Variants in GPC6 observed in about 807,000 individuals in gnomAD.
GPC6 encodes the protein glypican 6, also known as glypican-6.
A neutral mutation model predicts 55.2 loss-of-function variants in GPC6; 14 were observed. The ratio of observed to expected loss-of-function variants is 0.25; its 90% CI spans 0.17 to 0.40. The LOEUF (loss-of-function observed/expected upper bound fraction) is 0.40, where lower values mean the gene tolerates loss of function less well. Among genes scored for constraint, GPC6 ranks in the 10% least tolerant of loss-of-function variants. The probability of loss-of-function intolerance (pLI) is 1.00; values close to 1 mark genes in which losing one functional copy is unlikely to be tolerated. For missense variants in GPC6, 641 were observed against 708.5 expected, an observed-to-expected ratio of 0.90 and a Z score of 1.08; for synonymous variants, 278 against 259.6, an observed-to-expected ratio of 1.07 and a Z score of -0.68.
chr13:93,968,867 A>G (rs760447899), intron 3 of GPC6, among the ~76,000 whole-genome samples: 1 of 152,296 alleles, frequency 6.6e-6, no homozygotes, highest in Middle Eastern at 3.4e-3. Context: ...AAGGATCAAT[A>G]TAGAATTATT....
At chr13:94,380,806 A>G (rs1252923681) in intron 6 of GPC6, among the ~76,000 whole-genome samples, 1 of 152,144 alleles carries the variant, frequency 6.6e-6, no homozygotes, top group Non-Finnish European at 1.5e-5. Context: ...TATCCTTCTG[A>G]CCTAGCATTT....
At chr13:93,420,396 T>C (rs889073168) in intron 1 of GPC6, among the ~76,000 whole-genome samples, 3 of 151,886 alleles carry the variant, frequency 2.0e-5, no homozygotes, top group Admixed American at 6.6e-5. Context: ...CCATGCTGAG[T>C]TGGAGAATGG....
intron 4 of GPC6, among the ~76,000 whole-genome samples, chr13:94,252,800 C>A (rs117672880): frequency 9.1e-4 from 139 of 152,064 alleles, no homozygotes; most frequent in Non-Finnish European, 1.8e-3. Flanking sequence ...TGTAAATGGA[C>A]TGTGATGAGA....
chr13:93,304,569 A>G (rs1878792446), intron 1 of GPC6, among the ~76,000 whole-genome samples: 1 of 152,150 alleles, frequency 6.6e-6, no homozygotes, highest in African/African-American at 2.4e-5. Context: ...CATAGTTTTC[A>G]CTATGTTTTG....
intron 2 of GPC6, among the ~76,000 whole-genome samples, chr13:93,594,062 G>T (rs1284500252): frequency 6.6e-6 from 1 of 152,016 alleles, no homozygotes; most frequent in African/African-American, 2.4e-5. Flanking sequence ...CTCTAAAAAG[G>T]GAAAATAACA....
chr13:93,363,297 A>T (rs1265002434), intron 1 of GPC6, among the ~76,000 whole-genome samples: 1 of 75,904 alleles, frequency 1.3e-5, no homozygotes, highest in Non-Finnish European at 2.8e-5. Context: ...CCCCCACCCC[A>T]CAACAGTCCC....
chr13:93,488,545 A>G (rs1345247924), intron 1 of GPC6, among the ~76,000 whole-genome samples: 1 of 152,164 alleles, frequency 6.6e-6, no homozygotes, highest in Non-Finnish European at 1.5e-5. Flanking sequence ...GAGTCGCCAC[A>G]CTGTCTTCCA....
At chr13:93,878,273 G>T (rs1874715695) in intron 3 of GPC6, among the ~76,000 whole-genome samples, 1 of 151,972 alleles carries the variant, frequency 6.6e-6, no homozygotes, top group African/African-American at 2.4e-5. Context: ...TAGGCCATGA[G>T]GGTTCCACCC....
At chr13:94,268,971 G>A (rs1245708019) in intron 4 of GPC6, among the ~76,000 whole-genome samples, 2 of 152,128 alleles carry the variant, frequency 1.3e-5, no homozygotes, top group African/African-American at 2.4e-5. Context: ...GGGGCTCATG[G>A]GCTGGGAGGG....
chr13:93,498,744 C>G (rs2139368977), intron 1 of GPC6, among the ~76,000 whole-genome samples: 1 of 152,276 alleles, frequency 6.6e-6, no homozygotes, highest in South Asian at 2.1e-4. Flanking sequence ...ATGTTGTTAT[C>G]AGCAGCATTA....
Position 93,711,935 on chromosome 13 carries a change from C to G in GPC6, c.320-118219C>G, listed in dbSNP as rs573321642. Among the ~76,000 whole-genome samples, 314 of 151,864 alleles carry G rather than the reference C, an allele frequency of 2.1e-3. 1 individual carries two copies. The highest frequency in any genetic ancestry group is 6.7e-3 in the African/African-American group (279 of 41,502). On this transcript the variant is annotated intron_variant, in intron 2 of 8. Coordinates refer to ENST00000377047, the MANE Select transcript of GPC6 (RefSeq NM_005708.5). The stretch of plus-strand genomic sequence containing the variant: ...GTTCCTTAGAGGATCATGGTGAGAT[C>G]AAGCCCGAGTTGCCCGCTGTGTAGA...
intron 3 of GPC6, among the ~76,000 whole-genome samples, chr13:93,839,496 C>T (rs1360480178): frequency 1.3e-5 from 2 of 151,910 alleles, no homozygotes; most frequent in Admixed American, 6.6e-5. Context: ...GTTTATGTGG[C>T]GTATCACATT....
intron 1 of GPC6, among the ~76,000 whole-genome samples, chr13:93,312,244 A>T (rs1879096858): frequency 6.6e-6 from 1 of 151,810 alleles, no homozygotes; most frequent in Non-Finnish European, 1.5e-5. Context: ...TTCATTTTTG[A>T]GCAGATTTTC....
At chr13:93,543,843 TG>T (rs1476257345) in intron 1 of GPC6, among the ~76,000 whole-genome samples, 2 of 151,918 alleles carry the variant, frequency 1.3e-5, no homozygotes, top group Non-Finnish European at 2.9e-5. Context: ...TGTCCAGGAG[TG>T]GGTTGCTGGA....
chr13:93,304,506 A>C (rs966837997), intron 1 of GPC6, among the ~76,000 whole-genome samples: 2 of 152,144 alleles, frequency 1.3e-5, no homozygotes, highest in Admixed American at 1.3e-4. Context: ...CCCCACTTTG[A>C]TTCAAAGAGT....
At chr13:93,922,403 G>T (rs1877620484) in intron 3 of GPC6, among the ~76,000 whole-genome samples, 1 of 152,156 alleles carries the variant, frequency 6.6e-6, no homozygotes. Flanking sequence ...TTAAGATTAT[G>T]TAAGAAAAGG....
At chr13:93,933,443 T>C (rs1442745494) in intron 3 of GPC6, among the ~76,000 whole-genome samples, 2 of 152,152 alleles carry the variant, frequency 1.3e-5, no homozygotes, top group Non-Finnish European at 2.9e-5. Flanking sequence ...CTGCCTAGCT[T>C]TAAACCAGGC....
chr13:94,208,217 G>A (rs1889962481), intron 4 of GPC6, among the ~76,000 whole-genome samples: 1 of 152,166 alleles, frequency 6.6e-6, no homozygotes, highest in Non-Finnish European at 1.5e-5. Flanking sequence ...TTCTGCAAAA[G>A]GCTCTAACAA....
chr13:93,266,744 A>C (rs530216553), intron 1 of GPC6, among the ~76,000 whole-genome samples: 2 of 152,328 alleles, frequency 1.3e-5, no homozygotes, highest in South Asian at 4.1e-4. Context: ...ACTTGATCAG[A>C]ATTTAAGGAG....
Sources: allele counts gnomAD v4.1 joint callset (sites outside exome capture counted in the v4.1 genomes callset), GRCh38; gene constraint gnomAD v4.1.1; transcripts MANE v1.5; gene names NCBI Gene and HGNC (gene_info 2026-07-23, HGNC 2026-07-21).